Variants in RGS6 observed in about 807,000 individuals in gnomAD.
RGS6 encodes the protein regulator of G-protein signaling 6.
RGS6 carries 30 observed loss-of-function variants against 78.5 expected under a neutral mutation model. That is an observed-to-expected ratio of 0.38 (90% CI 0.29 to 0.52). The LOEUF is 0.52. Among genes scored for constraint, RGS6 ranks in the 20% least tolerant of loss-of-function variants. RGS6 has a pLI of 0.85. For missense variants in RGS6, 495 were observed against 609.7 expected, an observed-to-expected ratio of 0.81 and a Z score of 1.98; for synonymous variants, 206 against 206.0, an observed-to-expected ratio of 1.00 and a Z score of 0.00.
At chr14:72,397,806 A>T (rs575535066) in intron 3 of RGS6, among the ~76,000 whole-genome samples, 2 of 152,208 alleles carry the variant, frequency 1.3e-5, no homozygotes, top group African/African-American at 4.8e-5. Flanking sequence ...CTTTTGAGAT[A>T]ATCATGTGGT....
At chr14:72,174,419 A>C (rs2097075265) in intron 2 of RGS6, among the ~76,000 whole-genome samples, 1 of 152,216 alleles carries the variant, frequency 6.6e-6, no homozygotes, top group Non-Finnish European at 1.5e-5. Context: ...TGCTGAACCA[A>C]AGGCAGCTCT....
At chr14:72,248,945 C>G (rs890866217) in intron 2 of RGS6, among the ~76,000 whole-genome samples, 15 of 152,126 alleles carry the variant, frequency 9.9e-5, no homozygotes, top group Admixed American at 8.5e-4. Context: ...TGATTCTCTC[C>G]TAATAAGGCT....
intron 2 of RGS6, among the ~76,000 whole-genome samples, chr14:72,018,838 T>C (rs1269316017): frequency 6.6e-6 from 1 of 152,198 alleles, no homozygotes; most frequent in Non-Finnish European, 1.5e-5. Flanking sequence ...TGCTTCTGGT[T>C]TTAGTTGTTG....
chr14:72,341,932 A>G (rs2077089021), intron 2 of RGS6, among the ~76,000 whole-genome samples: 2 of 152,164 alleles, frequency 1.3e-5, no homozygotes, highest in Non-Finnish European at 2.9e-5. Context: ...TCCAGGAGGA[A>G]GAAATTGTAG....
rs1381724210 is a variant in RGS6, at chr14:72,232,257, A to ACAGGATGGG, written c.85-119837_85-119829dup. On this transcript the variant is annotated intron_variant, in intron 2 of 17. Transcript: ENST00000553525. ...GACATGGAACTTCTTCAAGATGGAG[A>ACAGGATGGG]CAGGATGGGTGGGCATGGGGAGAAG... 6.6e-5 allele frequency among the ~76,000 whole-genome samples: 10 copies of ACAGGATGGG among 152,266 alleles called. 1 individual carries two copies. In the East Asian group the frequency reaches 1.2e-3, roughly 18 times the overall value.
chr14:72,059,847 A>G (rs902502676), intron 2 of RGS6, among the ~76,000 whole-genome samples: 42 of 152,162 alleles, frequency 2.8e-4, no homozygotes, highest in African/African-American at 9.4e-4. Flanking sequence ...CCTCCCTAGA[A>G]GCCAGACACT....
intron 3 of RGS6, among the ~76,000 whole-genome samples, chr14:72,376,614 T>A (rs2152861512): frequency 6.6e-6 from 1 of 152,128 alleles, no homozygotes; most frequent in South Asian, 2.1e-4. Context: ...GTAATCTCCA[T>A]CAGATTGATA....
At chr14:72,327,920 G>GAT (rs10656485) in intron 2 of RGS6, among the ~76,000 whole-genome samples, 10,724 of 151,684 alleles carry the variant, frequency 0.071, 949 homozygotes, top group African/African-American at 0.22. Flanking sequence ...TAGATATATA[G>GAT]ATATATATAT....
chr14:72,609,267 G>T, the RGS6 span, among the ~76,000 whole-genome samples: 3 of 152,130 alleles, frequency 2.0e-5, no homozygotes, highest in Non-Finnish European at 4.4e-5. Context: ...TCAGCGACAG[G>T]TCTCCCTCCC....
the RGS6 span, among the ~76,000 whole-genome samples, chr14:71,895,519 T>C: frequency 2.6e-5 from 4 of 152,144 alleles, no homozygotes; most frequent in Admixed American, 2.0e-4. Context: ...AATGTCTAGG[T>C]AAAGATCATT....
chr14:72,379,200 CAT>C (rs1171414934), intron 3 of RGS6, among the ~76,000 whole-genome samples: 1 of 152,024 alleles, frequency 6.6e-6, no homozygotes, highest in African/African-American at 2.4e-5. Context: ...ATAAAGGCCA[CAT>C]ATGATAAACC....
intron 3 of RGS6, among the ~76,000 whole-genome samples, chr14:72,385,750 T>A (rs1341740635): frequency 3.9e-5 from 6 of 152,196 alleles, no homozygotes; most frequent in African/African-American, 1.4e-4. Flanking sequence ...CTCCTGTGTT[T>A]AGCCTTGACT....
At chr14:72,342,952 GA>G (rs1026352589) in intron 2 of RGS6, among the ~76,000 whole-genome samples, 45 of 152,144 alleles carry the variant, frequency 3.0e-4, no homozygotes, top group African/African-American at 1.1e-3. Flanking sequence ...TGTTCAGAGG[GA>G]CAGAGAGCTG....
chr14:72,069,694 C>A (rs777625020), intron 2 of RGS6, among the ~76,000 whole-genome samples: 5 of 151,972 alleles, frequency 3.3e-5, no homozygotes, highest in Admixed American at 2.6e-4. Context: ...CACACACCAC[C>A]ATGCCCAGCT....
At chr14:71,888,976 A>G in the RGS6 span, among the ~76,000 whole-genome samples, 1 of 152,206 alleles carries the variant, frequency 6.6e-6, no homozygotes, top group Non-Finnish European at 1.5e-5. Context: ...CATTATTGTC[A>G]TCTAACACAA....
intron 3 of RGS6, among the ~76,000 whole-genome samples, chr14:72,449,540 T>C (rs376978520): frequency 3.2e-4 from 49 of 152,304 alleles, no homozygotes; most frequent in African/African-American, 1.1e-3. Context: ...GCCCTGAATT[T>C]TATGAGTGTC....
intron 3 of RGS6, among the ~76,000 whole-genome samples, chr14:72,427,497 C>T (rs878890117): frequency 2.0e-5 from 3 of 152,256 alleles, no homozygotes; most frequent in East Asian, 1.9e-4. Flanking sequence ...TGAGGTGAGC[C>T]GACCAACCTC....
At chr14:72,122,208 AT>A (rs1409402185) in intron 2 of RGS6, among the ~76,000 whole-genome samples, 1 of 152,140 alleles carries the variant, frequency 6.6e-6, no homozygotes, top group Non-Finnish European at 1.5e-5. Context: ...TAAGCATCAT[AT>A]TCAAGCTCTG....
At chr14:72,422,137 G>A (rs2094216252) in intron 3 of RGS6, among the ~76,000 whole-genome samples, 1 of 152,156 alleles carries the variant, frequency 6.6e-6, no homozygotes, top group Non-Finnish European at 1.5e-5. Flanking sequence ...TGTAAGACAT[G>A]ACTTGCACCT....
Sources: allele counts gnomAD v4.1 joint callset (sites outside exome capture counted in the v4.1 genomes callset), GRCh38; gene constraint gnomAD v4.1.1; transcripts MANE v1.5; gene names NCBI Gene and HGNC (gene_info 2026-07-23, HGNC 2026-07-21).